The following NME8 variants were observed in gnomAD, a reference collection of about 807,000 sequenced individuals.
NME8 encodes the protein protein NME8.
NME8 carries 72 observed loss-of-function variants against 82.3 expected under a neutral mutation model. That is an observed-to-expected ratio of 0.87 (90% CI 0.72 to 1.06). NME8 has a LOEUF of 1.06. Ranked by LOEUF, NME8 falls within the 50% of genes least tolerant of loss-of-function variation. NME8 has a pLI of 0.00. For synonymous variants in NME8, 267 were observed against 228.5 expected (o/e 1.17, Z -1.52); for missense variants, 712 against 685.4 (o/e 1.04, Z -0.43).
At chr7:37,899,951 C>T (rs2131980088) in intron 17 of NME8, among the ~76,000 whole-genome samples, 1 of 152,310 alleles carries the variant, frequency 6.6e-6, no homozygotes, top group African/African-American at 2.4e-5. Context: ...TATTGTCTTC[C>T]TAACCTTTGG....
intron 5 of NME8, among the ~76,000 whole-genome samples, chr7:37,852,273 C>T (rs548587210): frequency 6.6e-6 from 1 of 152,242 alleles, no homozygotes; most frequent in East Asian, 1.9e-4. Context: ...CCCACACTCT[C>T]ATAGCCTTTT....
At chr7:37,898,240 T>G (rs888769504) in intron 17 of NME8, among the ~76,000 whole-genome samples, 2 of 152,132 alleles carry the variant, frequency 1.3e-5, no homozygotes, top group Non-Finnish European at 2.9e-5. Context: ...CAGTGTACAG[T>G]GATTGAAAAA....
Position 37,885,230 on chromosome 7 carries a change from G to A in NME8, c.1225G>A (p.Ala409Thr). Residue 409 changes from alanine (A) to threonine (T), a missense_variant, in exon 14 of 18, where the codon GCC (alanine) becomes ACC (threonine). Physicochemically the swap from Ala to Thr is moderately conservative, Grantham distance 58. Transcript: ENST00000199447. ...QLLGPRTVEE[A>T]IEYFPESLCA... is the part of the protein sequence containing the mutation. ...ACTGGGACCAAGAACTGTTGAAGAA[G>A]CCATTGAATATTTTCCAGAGAGGTA... 2 of 1,612,092 alleles carry A rather than the reference G, an allele frequency of 1.2e-6. No homozygotes were observed. The highest frequency in any genetic ancestry group is 1.7e-6 in the Non-Finnish European group (2 of 1,178,364).
chr7:37,860,391 C>A (rs1784581735), intron 6 of NME8, among the ~76,000 whole-genome samples: 1 of 152,152 alleles, frequency 6.6e-6, no homozygotes, highest in South Asian at 2.1e-4. Flanking sequence ...ATCCAAGTAC[C>A]AGCCTGTACT....
At chr7:37,879,749 T>G (rs1784913225) in intron 12 of NME8, among the ~76,000 whole-genome samples, 2 of 152,178 alleles carry the variant, frequency 1.3e-5, no homozygotes, top group Non-Finnish European at 1.5e-5. Flanking sequence ...TGTAAAAGTA[T>G]GTATAGTTTG....
At chr7:37,859,942 A>G (rs931441914) in intron 6 of NME8, among the ~76,000 whole-genome samples, 2 of 152,210 alleles carry the variant, frequency 1.3e-5, no homozygotes, top group African/African-American at 4.8e-5. Context: ...CATCAAGTCC[A>G]ATGCTCATTT....
At chr7:37,853,022 A>G (rs867514104) in intron 5 of NME8, among the ~76,000 whole-genome samples, 4 of 152,324 alleles carry the variant, frequency 2.6e-5, no homozygotes, top group Admixed American at 6.5e-5. Flanking sequence ...GGTCATCCTA[A>G]TAAGTGTGTA....
At chr7:37,893,083 G>T (rs527536126) in intron 15 of NME8, among the ~76,000 whole-genome samples, 10 of 152,020 alleles carry the variant, frequency 6.6e-5, no homozygotes, top group Non-Finnish European at 1.0e-4. Context: ...TAATTAGGTA[G>T]TTTCTTAATA....
At chr7:37,879,308 G>A (rs1019883104) in intron 12 of NME8, among the ~76,000 whole-genome samples, 7 of 151,932 alleles carry the variant, frequency 4.6e-5, no homozygotes, top group Middle Eastern at 3.4e-3. Flanking sequence ...CACCATGCCC[G>A]GCTAATTTTT....
intron 12 of NME8, among the ~76,000 whole-genome samples, chr7:37,877,755 T>C (rs534356214): frequency 6.6e-6 from 1 of 152,284 alleles, no homozygotes. Context: ...TGTAGCAGCA[T>C]CCTTGGCCTC....
chr7:37,892,852 A>T (rs1303300721), intron 15 of NME8, among the ~76,000 whole-genome samples: 1 of 151,678 alleles, frequency 6.6e-6, no homozygotes, highest in Non-Finnish European at 1.5e-5. Context: ...GTCGTGTTAC[A>T]GTTTGGGGGG....
At chr7:37,859,946 C>T (rs1207571767) in intron 6 of NME8, among the ~76,000 whole-genome samples, 2 of 152,184 alleles carry the variant, frequency 1.3e-5, no homozygotes, top group African/African-American at 4.8e-5. Flanking sequence ...AAGTCCAATG[C>T]TCATTTTATT....
intron 12 of NME8, among the ~76,000 whole-genome samples, chr7:37,881,315 A>C (rs1188266384): frequency 6.6e-6 from 1 of 152,158 alleles, no homozygotes; most frequent in Non-Finnish European, 1.5e-5. Flanking sequence ...GTTCTCTAGT[A>C]AGTTGAGAAA....
intron 17 of NME8, among the ~76,000 whole-genome samples, chr7:37,899,837 G>A (rs1785287165): frequency 6.6e-6 from 1 of 151,992 alleles, no homozygotes; most frequent in Non-Finnish European, 1.5e-5. Flanking sequence ...ACCCCCAGCT[G>A]CTCCCCCAGG....
intron 15 of NME8, among the ~76,000 whole-genome samples, chr7:37,893,733 C>T (rs1398093748): frequency 6.6e-6 from 1 of 152,152 alleles, no homozygotes; most frequent in African/African-American, 2.4e-5. Context: ...CTCATGATAT[C>T]TTTATAGGCC....
At position 37,897,112 on chromosome 7, in the gene NME8, G is replaced by C; in HGVS notation, c.*15+5G>C. On this transcript the variant is annotated splice_donor_5th_base_variant and intron_variant, in intron 17 of 17. Transcript: ENST00000199447. ...AACTAAAGTATATACTGTGAAGTAC[G>C]TACCTGTTTAATTATTATTTTATTT... 4.8e-6 allele frequency: 7 copies of C among 1,473,030 alleles called. No homozygotes were observed. The highest frequency in any genetic ancestry group is 6.7e-6 in the Non-Finnish European group (7 of 1,052,446). The allele number at this position is 1,473,030 out of a possible 1,614,324, so 91.2% of individuals were successfully genotyped here.
intron 14 of NME8, among the ~76,000 whole-genome samples, chr7:37,886,872 A>C (rs181087483): frequency 4.0e-4 from 61 of 151,840 alleles, no homozygotes; most frequent in Non-Finnish European, 6.5e-4. Context: ...CAAAAAAAAA[A>C]CAAAAACAAA....
chr7:37,878,499 C>T (rs60608358), intron 12 of NME8, among the ~76,000 whole-genome samples: 116 of 152,088 alleles, frequency 7.6e-4, no homozygotes, highest in Middle Eastern at 3.4e-3. Context: ...ATTTTATGGA[C>T]GAGATAGTGT....
intron 5 of NME8, among the ~76,000 whole-genome samples, chr7:37,853,073 T>C (rs1261715681): frequency 6.6e-6 from 1 of 152,146 alleles, no homozygotes; most frequent in Non-Finnish European, 1.5e-5. Context: ...TTCCCAAGAT[T>C]ATGTGAGGTG....
Sources: gnomAD v4.1 joint callset for allele counts (sites outside exome capture counted in the v4.1 genomes callset) on GRCh38, gnomAD v4.1.1 for gene constraint, MANE v1.5 for transcripts, NCBI Gene and HGNC (gene_info 2026-07-23, HGNC 2026-07-21) for gene names.